Variants in MGMT observed in about 807,000 individuals in gnomAD.
MGMT encodes O-6-methylguanine-DNA methyltransferase, also known as methylated-DNA--protein-cysteine methyltransferase.
MGMT carries 14 observed loss-of-function variants against 15.9 expected under a neutral mutation model. The ratio of observed to expected loss-of-function variants is 0.88; its 90% confidence interval spans 0.58 to 1.37. The LOEUF (loss-of-function observed/expected upper bound fraction) is 1.37. Among genes scored for constraint, MGMT ranks in the 40% most tolerant of loss-of-function variants. The pLI is 0.00. For synonymous variants in MGMT, 130 were observed against 118.2 expected, an observed-to-expected ratio of 1.10 and a Z score of -0.65; for missense variants, 282 against 268.1, an observed-to-expected ratio of 1.05 and a Z score of -0.36.
At chr10:129,487,770 T>C (rs528950790) in intron 1 of MGMT, among the ~76,000 whole-genome samples, 1 of 152,178 alleles carries the variant, frequency 6.6e-6, no homozygotes, top group East Asian at 1.9e-4. Context: ...ATTTTCATTT[T>C]CTTTATACAC....
chr10:129,557,456 T>A (rs1159789728), intron 2 of MGMT, among the ~76,000 whole-genome samples: 1 of 152,228 alleles, frequency 6.6e-6, no homozygotes, highest in Non-Finnish European at 1.5e-5. Context: ...AATCATTGTG[T>A]TGCTGCATAT....
chr10:129,527,704 C>T (rs947875484), intron 1 of MGMT, among the ~76,000 whole-genome samples: 6 of 152,254 alleles, frequency 3.9e-5, no homozygotes, highest in South Asian at 4.2e-4. Flanking sequence ...GCCTCCCAGA[C>T]GCCTCTCCCT....
chr10:129,701,230 G>C (rs1848095612), intron 2 of MGMT: 2 of 152,180 alleles, frequency 1.3e-5, no homozygotes, highest in African/African-American at 4.8e-5. Context: ...CCTGTCTTTG[G>C]AACGAACTCT....
intron 3 of MGMT, among the ~76,000 whole-genome samples, chr10:129,716,031 C>T (rs1848291959): frequency 6.6e-6 from 1 of 152,196 alleles, no homozygotes; most frequent in Admixed American, 6.5e-5. Context: ...GGAACATCCT[C>T]AAGACAGAGC....
intron 1 of MGMT, among the ~76,000 whole-genome samples, chr10:129,500,259 G>A (rs571209650): frequency 6.6e-6 from 1 of 152,178 alleles, no homozygotes; most frequent in Non-Finnish European, 1.5e-5. Flanking sequence ...CCGTAGAAGC[G>A]TGTGCTGTGG....
At chr10:129,708,461 T>TC (rs1848193813) in intron 3 of MGMT, among the ~76,000 whole-genome samples, 1 of 152,212 alleles carries the variant, frequency 6.6e-6, no homozygotes, top group Non-Finnish European at 1.5e-5. Flanking sequence ...GACACTTACA[T>TC]CATAGCAGGT....
chr10:129,666,984 T>C (rs1348722340), intron 2 of MGMT, among the ~76,000 whole-genome samples: 2 of 152,252 alleles, frequency 1.3e-5, no homozygotes, highest in African/African-American at 4.8e-5. Flanking sequence ...TGAGATTCAC[T>C]TTGACTGTCA....
At chr10:129,564,877 G>A (rs1315192408) in intron 2 of MGMT, among the ~76,000 whole-genome samples, 1 of 151,866 alleles carries the variant, frequency 6.6e-6, no homozygotes, top group African/African-American at 2.4e-5. Context: ...GAGCAGAACC[G>A]CCCCTCCCAG....
At chr10:129,512,532 G>A (rs1845695255) in intron 1 of MGMT, among the ~76,000 whole-genome samples, 1 of 152,138 alleles carries the variant, frequency 6.6e-6, no homozygotes, top group Non-Finnish European at 1.5e-5. Context: ...TTCATCATCA[G>A]AGGAATGGAC....
intron 1 of MGMT, among the ~76,000 whole-genome samples, chr10:129,476,880 C>A (rs1845301043): frequency 6.6e-6 from 1 of 152,190 alleles, no homozygotes; most frequent in Non-Finnish European, 1.5e-5. Flanking sequence ...GCAGGGTCCA[C>A]CACAGGAGTA....
intron 2 of MGMT, among the ~76,000 whole-genome samples, chr10:129,591,301 C>T (rs1321187770): frequency 6.6e-6 from 1 of 152,210 alleles, no homozygotes; most frequent in Admixed American, 6.5e-5. Flanking sequence ...CTTGAATAGC[C>T]TGACAGCAGA....
intron 1 of MGMT, among the ~76,000 whole-genome samples, chr10:129,534,922 A>G (rs953454702): frequency 1.3e-5 from 2 of 152,130 alleles, no homozygotes; most frequent in African/African-American, 4.8e-5. Context: ...TTGCAGGGCC[A>G]CACTGCCTCT....
At chr10:129,690,885 G>A (rs1269279541) in intron 2 of MGMT, among the ~76,000 whole-genome samples, 1 of 152,310 alleles carries the variant, frequency 6.6e-6, no homozygotes, top group East Asian at 1.9e-4. Context: ...TGAGTATGTG[G>A]TGATGACTCG....
At chr10:129,543,075 C>T (rs929987060) in intron 2 of MGMT, among the ~76,000 whole-genome samples, 2 of 152,184 alleles carry the variant, frequency 1.3e-5, no homozygotes, top group Admixed American at 1.3e-4. Flanking sequence ...TTCAGCTCCA[C>T]AGATCCTTGT....
At chr10:129,578,404 A>G (rs1412588062) in intron 2 of MGMT, among the ~76,000 whole-genome samples, 1 of 152,162 alleles carries the variant, frequency 6.6e-6, no homozygotes, top group Non-Finnish European at 1.5e-5. Flanking sequence ...GAAGCTGGAA[A>G]CCATCATTCT....
At chr10:129,713,955 C>T (rs1210372230) in intron 3 of MGMT, among the ~76,000 whole-genome samples, 2 of 152,212 alleles carry the variant, frequency 1.3e-5, no homozygotes, top group African/African-American at 4.8e-5. Context: ...TGAGTGGGCT[C>T]CCGTCACCCG....
intron 1 of MGMT, among the ~76,000 whole-genome samples, chr10:129,478,228 G>A (rs1167238608): frequency 2.9e-4 from 2 of 6,864 alleles, no homozygotes; most frequent in Non-Finnish European, 5.3e-4. Context: ...TTTGTTGGTT[G>A]GTTGATTTTT....
intron 2 of MGMT, among the ~76,000 whole-genome samples, chr10:129,542,760 G>A (rs1055434840): frequency 1.4e-4 from 22 of 152,114 alleles, no homozygotes; most frequent in Non-Finnish European, 7.4e-5. Flanking sequence ...TTTCAAAAAC[G>A]AATGGCTGAA....
At chr10:129,618,845 G>C (rs1345754032) in intron 2 of MGMT, among the ~76,000 whole-genome samples, 1 of 71,148 alleles carries the variant, frequency 1.4e-5, no homozygotes, top group East Asian at 6.8e-4. Context: ...CTAGTATGCT[G>C]TGAGTTTGCT....
Sources: allele counts gnomAD v4.1 joint callset (sites outside exome capture counted in the v4.1 genomes callset), GRCh38; gene constraint gnomAD v4.1.1; transcripts MANE v1.5; gene names NCBI Gene and HGNC (gene_info 2026-07-23, HGNC 2026-07-21).